Variants in NIBAN1 observed in about 807,000 individuals in gnomAD.
NIBAN1 encodes protein Niban 1.
Under a neutral mutation model 75.1 loss-of-function variants are expected in NIBAN1, and 81 were observed. The observed-to-expected ratio is 1.08, with a 90% CI of 0.90 to 1.30. The LOEUF is 1.30. NIBAN1 is among the 50% of genes most tolerant of loss of function. NIBAN1 has a pLI of 0.00. For missense variants in NIBAN1, 1,133 were observed against 1,128.1 expected, an observed-to-expected ratio of 1.00 and a Z score of -0.06; for synonymous variants, 436 against 424.8, an observed-to-expected ratio of 1.03 and a Z score of -0.32.
At chr1:184,828,364 G>A (rs1255028155) in intron 6 of NIBAN1, among the ~76,000 whole-genome samples, 1 of 152,174 alleles carries the variant, frequency 6.6e-6, no homozygotes, top group Non-Finnish European at 1.5e-5. Context: ...TTAAGATTAA[G>A]GTCTTAGCAG....
chr1:184,945,427 A>G (rs1354259128), intron 1 of NIBAN1, among the ~76,000 whole-genome samples: 1 of 152,236 alleles, frequency 6.6e-6, no homozygotes, highest in Admixed American at 6.5e-5. Context: ...AGGTAAAACA[A>G]CTATAAATAC....
chr1:184,891,119 T>C (rs1656656587), intron 3 of NIBAN1, among the ~76,000 whole-genome samples: 1 of 152,120 alleles, frequency 6.6e-6, no homozygotes, highest in Non-Finnish European at 1.5e-5. Flanking sequence ...AGCAATAAGA[T>C]AGTGAAGAGA....
intron 1 of NIBAN1, among the ~76,000 whole-genome samples, chr1:184,916,948 C>G (rs1657400451): frequency 6.6e-6 from 1 of 152,166 alleles, no homozygotes; most frequent in South Asian, 2.1e-4. Context: ...AGTTGATTCA[C>G]TAACACCAGT....
intron 5 of NIBAN1, among the ~76,000 whole-genome samples, chr1:184,880,441 A>G (rs1656348208): frequency 6.6e-6 from 1 of 152,202 alleles, no homozygotes; most frequent in East Asian, 1.9e-4. Flanking sequence ...ATAGAGTCCA[A>G]GTTCCTAATA....
At position 184,818,741 on chromosome 1, in the gene NIBAN1, G is replaced by T. The variant is rs1372012163; in HGVS notation, c.1070C>A (p.Pro357Gln). ...TACTTCACTGAATCCCGAGCTCACT[G>T]GTCCCATGAGCTCCTCCAGGATGGA... ...LASILEELMG[P>Q]VSSGFSEVRV... The change falls in exon 9 of 14, where the codon CCA (proline) becomes CAA (glutamine). Residue 357 changes from proline (P) to glutamine (Q), a missense_variant. By Grantham distance (76) the Pro-to-Gln change is moderately conservative. Transcript: ENST00000367511. 6.2e-7 allele frequency: 1 copy of T among 1,613,318 alleles called. No homozygotes were observed. The highest frequency in any genetic ancestry group is 1.7e-5 in the Admixed American group (1 of 59,992).
chr1:184,872,315 T>G (rs999362645), intron 5 of NIBAN1, among the ~76,000 whole-genome samples: 1 of 150,992 alleles, frequency 6.6e-6, no homozygotes, highest in African/African-American at 2.4e-5. Context: ...ATGGATTAAA[T>G]ACAGATGAAG....
At chr1:184,952,882 ACTTGCCC>A (rs1458185077) in intron 1 of NIBAN1, among the ~76,000 whole-genome samples, 3 of 152,230 alleles carry the variant, frequency 2.0e-5, no homozygotes, top group Non-Finnish European at 4.4e-5. Context: ...AAGTTCATGT[ACTTGCCC>A]CTCAAGTTTA....
chr1:184,957,791 G>A (rs768834127), intron 1 of NIBAN1, among the ~76,000 whole-genome samples: 4 of 152,170 alleles, frequency 2.6e-5, no homozygotes, highest in Admixed American at 6.5e-5. Context: ...CAGATTCAGC[G>A]AGTCCTCAGG....
At chr1:184,947,401 G>C (rs897806200) in intron 1 of NIBAN1, among the ~76,000 whole-genome samples, 3 of 152,142 alleles carry the variant, frequency 2.0e-5, no homozygotes, top group African/African-American at 7.2e-5. Context: ...GAAGGAATGG[G>C]GAGTTATTTA....
chr1:184,968,701 C>G (rs72739661), intron 1 of NIBAN1, among the ~76,000 whole-genome samples: 1 of 152,062 alleles, frequency 6.6e-6, no homozygotes, highest in African/African-American at 2.4e-5. Context: ...TGCTTTGGGC[C>G]GCACGTAAAA....
chr1:184,791,478 A>G lies in NIBAN1; in HGVS notation c.*3499T>C, dbSNP rs1653693927. 1 of 145,536 alleles carries G rather than the reference A, an allele frequency of 6.9e-6. No homozygotes were observed. The highest frequency in any genetic ancestry group is 1.5e-5 in the Non-Finnish European group (1 of 66,854). 9.0% of individuals were successfully genotyped at this position (145,536 alleles called of 1,614,324 possible). A position where few individuals can be genotyped will look rare whatever the true frequency, so the allele number is the denominator to read the frequency against. ...GGACAAGTTGGAATCTTACCCTGGT[A>G]GTCTCCAAAATCTTTTTTTTTTTTT... is the stretch of plus-strand genomic sequence containing the variant. On this transcript the variant is annotated 3_prime_UTR_variant, in exon 14 of 14. Transcript: ENST00000367511.
rs370722883 is a variant in NIBAN1, at chr1:184,795,429, C to T, written c.2335G>A (p.Glu779Lys). 13 of 1,607,012 alleles carry T rather than the reference C, an allele frequency of 8.1e-6. No individual in the cohort carries two copies. The highest frequency in any genetic ancestry group is 5.1e-5 in the Admixed American group (3 of 59,172). ...CCCCCCAACTCCTCCCCATGGGCCT[C>T]GGGACAGGGAGGTTGGGCCTCCCTC... Reference protein sequence around the residue: ...SEREAQPPCPEAHGEELGGFP... With the variant: ...SEREAQPPCPKAHGEELGGFP... Residue 779 changes from glutamate (E) to lysine (K), a missense_variant, in exon 14 of 14, where the codon GAG (glutamate) becomes AAG (lysine). By Grantham distance (56) the Glu-to-Lys change is moderately conservative. Coordinates refer to ENST00000367511, the MANE Select transcript of NIBAN1 (RefSeq NM_052966.4).
intron 12 of NIBAN1, among the ~76,000 whole-genome samples, 196 bp from the exon 13 acceptor site, chr1:184,798,386 G>T (rs1653936184): frequency 6.6e-6 from 1 of 152,110 alleles, no homozygotes; most frequent in East Asian, 1.9e-4. Flanking sequence ...CACTGTCTAG[G>T]CACCATGCCT....
intron 1 of NIBAN1, among the ~76,000 whole-genome samples, chr1:184,933,209 A>G (rs1657870766): frequency 6.6e-6 from 1 of 152,242 alleles, no homozygotes; most frequent in Admixed American, 6.5e-5. Context: ...CCCCTGCTGC[A>G]GTGCCCTTTC....
intron 8 of NIBAN1, 75 bp from the exon 9 acceptor site, chr1:184,818,900 C>G (rs1158307368): frequency 7.4e-6 from 11 of 1,483,170 alleles, no homozygotes; most frequent in Non-Finnish European, 9.1e-6. Flanking sequence ...CAGACCAGAG[C>G]TGAATGGTGC....
Position 184,824,821 on chromosome 1 carries a change from G to A in NIBAN1, c.718-1079C>T, listed in dbSNP as rs187634299. 3.6e-3 allele frequency among the ~76,000 whole-genome samples: 544 copies of A among 152,234 alleles called. 5 individuals are homozygous for A. Among genetic ancestry groups the A allele is most frequent in the Middle Eastern group, 6.8e-3 (2 of 294 alleles). On this transcript the variant is annotated intron_variant, in intron 6 of 13. Transcript: ENST00000367511. Reference sequence around the variant, plus strand: ...CATATGTCACTAATAGAATGTCTCCGAAGCTGGATTAATGTGGGGAAACAC... The same window carrying A: ...CATATGTCACTAATAGAATGTCTCCAAAGCTGGATTAATGTGGGGAAACAC...
intron 6 of NIBAN1, among the ~76,000 whole-genome samples, chr1:184,826,296 T>C (rs1654838945): frequency 6.6e-6 from 1 of 152,182 alleles, no homozygotes; most frequent in African/African-American, 2.4e-5. Flanking sequence ...CAGCCTTCTC[T>C]GGGGGCAGTC....
intron 9 of NIBAN1, among the ~76,000 whole-genome samples, chr1:184,812,059 C>A (rs1472636550): frequency 6.6e-6 from 1 of 152,222 alleles, no homozygotes; most frequent in Non-Finnish European, 1.5e-5. Flanking sequence ...GCCATCAGAA[C>A]TTTTCAGTGT....
chr1:184,857,952 C>T (rs987121888), intron 5 of NIBAN1, among the ~76,000 whole-genome samples: 1 of 151,504 alleles, frequency 6.6e-6, no homozygotes, highest in Admixed American at 6.6e-5. Context: ...AATATAAAAC[C>T]TTCAAGAAAA....
Sources: allele counts gnomAD v4.1 joint callset (sites outside exome capture counted in the v4.1 genomes callset), GRCh38; gene constraint gnomAD v4.1.1; transcripts MANE v1.5; gene names NCBI Gene and HGNC (gene_info 2026-07-23, HGNC 2026-07-21).